The following SGCD variants were observed in gnomAD, a reference collection of about 807,000 sequenced individuals.
SGCD encodes the protein delta-sarcoglycan.
SGCD carries 18 observed loss-of-function variants against 36.6 expected under a neutral mutation model. The ratio of observed to expected loss-of-function variants is 0.49; its 90% CI spans 0.34 to 0.73. SGCD has a LOEUF of 0.73. Among genes scored for constraint, SGCD ranks in the 30% least tolerant of loss-of-function variants. SGCD has a pLI of 0.01. For synonymous variants in SGCD, 133 were observed against 130.6 expected (o/e 1.02, Z -0.12); for missense variants, 387 against 346.7 (o/e 1.12, Z -0.92).
intron 2 of SGCD, among the ~76,000 whole-genome samples, chr5:156,341,256 C>T (rs1387966324): frequency 2.0e-5 from 3 of 152,210 alleles, no homozygotes; most frequent in Non-Finnish European, 4.4e-5. Flanking sequence ...GCAAAGGATT[C>T]TGCAGAGATG....
At position 156,657,170 on chromosome 5, in the gene SGCD, C is replaced by T. The variant is rs543325676; in HGVS notation, c.575+9634C>T. Among the ~76,000 whole-genome samples, 114 of 151,730 alleles carry T rather than the reference C, an allele frequency of 7.5e-4. No homozygotes were observed. The Middle Eastern group carries it at 0.01, about 14-fold the overall frequency. On this transcript the variant is annotated intron_variant, in intron 7 of 8. Coordinates refer to ENST00000337851, the MANE Select transcript of SGCD (RefSeq NM_000337.6). ...ATTAATTAGAGGCTTGGTAATTCTC[C>T]GCACACCACTGACAGTTACAGTACC...
intron 7 of SGCD, among the ~76,000 whole-genome samples, chr5:156,702,072 T>C (rs1166134843): frequency 1.3e-5 from 2 of 152,234 alleles, no homozygotes; most frequent in Non-Finnish European, 2.9e-5. Context: ...TTGCCTTGTA[T>C]GTAAGAATGA....
At chr5:156,275,065 C>T (rs1231410442) in intron 3 of SGCD, among the ~76,000 whole-genome samples, 2 of 152,106 alleles carry the variant, frequency 1.3e-5, no homozygotes, top group Non-Finnish European at 2.9e-5. Flanking sequence ...AGGTTGACAA[C>T]TAATTTAAAA....
chr5:156,546,625 T>G (rs2113175496), intron 4 of SGCD, among the ~76,000 whole-genome samples: 1 of 152,288 alleles, frequency 6.6e-6, no homozygotes, highest in African/African-American at 2.4e-5. Flanking sequence ...AAAATGAGAT[T>G]ACAATGGGTC....
At chr5:155,997,740 CAGA>C (rs932184084) in intron 1 of SGCD, among the ~76,000 whole-genome samples, 1 of 152,186 alleles carries the variant, frequency 6.6e-6, no homozygotes, top group Non-Finnish European at 1.5e-5. Flanking sequence ...TTTTTAATCT[CAGA>C]AGATGTTTTC....
At chr5:156,375,155 T>C (rs1159326260) in intron 3 of SGCD, among the ~76,000 whole-genome samples, 1 of 152,160 alleles carries the variant, frequency 6.6e-6, no homozygotes, top group Non-Finnish European at 1.5e-5. Context: ...TCAACCTCTC[T>C]CTTTCCCTCT....
chr5:156,570,803 C>T (rs1294060773), intron 4 of SGCD, among the ~76,000 whole-genome samples: 1 of 152,160 alleles, frequency 6.6e-6, no homozygotes, highest in Non-Finnish European at 1.5e-5. Context: ...TCCTCCCACC[C>T]TCCACCCTCT....
intron 3 of SGCD, among the ~76,000 whole-genome samples, chr5:156,471,999 A>T (rs756101754): frequency 6.6e-6 from 1 of 152,050 alleles, no homozygotes; most frequent in Admixed American, 6.6e-5. Context: ...CCAATTAAGC[A>T]CATGAAAATG....
the SGCD span, among the ~76,000 whole-genome samples, chr5:155,762,690 GT>G: frequency 2.0e-5 from 3 of 152,154 alleles, no homozygotes; most frequent in African/African-American, 7.2e-5. Flanking sequence ...CTCTGACCTA[GT>G]TTTTTCAATC....
chr5:155,954,409 A>C (rs1341733240), intron 1 of SGCD, among the ~76,000 whole-genome samples: 1 of 152,164 alleles, frequency 6.6e-6, no homozygotes, highest in Admixed American at 6.6e-5. Context: ...TAAACTGATG[A>C]GACATGAATC....
chr5:155,884,287 T>C (rs1427696819), intron 1 of SGCD, among the ~76,000 whole-genome samples: 1 of 152,158 alleles, frequency 6.6e-6, no homozygotes, highest in Admixed American at 6.5e-5. Flanking sequence ...TCAACAGTGA[T>C]TACTCTGCTG....
At chr5:155,860,660 C>A in the SGCD span, among the ~76,000 whole-genome samples, 5 of 152,216 alleles carry the variant, frequency 3.3e-5, no homozygotes, top group East Asian at 1.9e-4. Context: ...TTACCAGGTA[C>A]CTTGCAAAGT....
At chr5:155,870,537 T>A (rs1017371429) in intron 1 of SGCD, 3 of 152,248 alleles carry the variant, frequency 2.0e-5, no homozygotes, top group African/African-American at 7.2e-5. Context: ...TATTTCTTTT[T>A]TTTCTTTGTT....
the SGCD span, among the ~76,000 whole-genome samples, chr5:155,749,309 C>T: frequency 6.6e-6 from 1 of 152,134 alleles, no homozygotes; most frequent in Non-Finnish European, 1.5e-5. Context: ...ACTCCCTCTA[C>T]TTCATGCTAT....
At chr5:155,768,633 C>T in the SGCD span, among the ~76,000 whole-genome samples, 9 of 152,144 alleles carry the variant, frequency 5.9e-5, no homozygotes, top group South Asian at 4.2e-4. Flanking sequence ...AAAAACGAAC[C>T]GGCTCCAGAA....
chr5:156,435,718 A>G (rs761611161), intron 3 of SGCD, among the ~76,000 whole-genome samples: 21 of 152,306 alleles, frequency 1.4e-4, no homozygotes, highest in Non-Finnish European at 2.4e-4. Context: ...GCTAATATGC[A>G]TGGGCTACTA....
At chr5:156,123,665 A>AT (rs1239152917) in intron 2 of SGCD, among the ~76,000 whole-genome samples, 1 of 151,602 alleles carries the variant, frequency 6.6e-6, no homozygotes, top group Non-Finnish European at 1.5e-5. Flanking sequence ...ATACTATGAA[A>AT]TTTTTTTTTG....
At chr5:156,047,489 A>T (rs999879103) in intron 1 of SGCD, among the ~76,000 whole-genome samples, 4 of 152,160 alleles carry the variant, frequency 2.6e-5, no homozygotes, top group Admixed American at 2.6e-4. Flanking sequence ...GCCAATACTT[A>T]TTAACTGATA....
intron 3 of SGCD, among the ~76,000 whole-genome samples, chr5:156,362,926 T>G (rs1769887547): frequency 6.6e-6 from 1 of 152,232 alleles, no homozygotes; most frequent in African/African-American, 2.4e-5. Flanking sequence ...AAGGACAGCA[T>G]AACCTCAAAA....
Sources: gnomAD v4.1 joint callset for allele counts (sites outside exome capture counted in the v4.1 genomes callset) on GRCh38, gnomAD v4.1.1 for gene constraint, MANE v1.5 for transcripts, NCBI Gene and HGNC (gene_info 2026-07-23, HGNC 2026-07-21) for gene names.